DHDH: variants seen among roughly 807,000 people sequenced by gnomAD.
DHDH encodes dihydrodiol dehydrogenase.
Under a neutral mutation model 33.2 loss-of-function variants are expected in DHDH, and 29 were observed. The ratio of observed to expected loss-of-function variants is 0.87; its 90% CI spans 0.65 to 1.19. The LOEUF (loss-of-function observed/expected upper bound fraction) is 1.19. DHDH is among the 50% of genes most tolerant of loss of function. DHDH has a pLI of 0.00. For synonymous variants in DHDH, 201 were observed against 187.9 expected (o/e 1.07, Z -0.57); for missense variants, 431 against 455.0 (o/e 0.95, Z 0.48).
intron 3 of DHDH, 94 bp downstream of exon 3, chr19:48,936,289 G>T: frequency 7.1e-7 from 1 of 1,412,398 alleles, no homozygotes; most frequent in Non-Finnish European, 9.3e-7. Flanking sequence ...GCATTTGCCA[G>T]GATGTATCTG....
rs1351132507 is a variant in DHDH, at chr19:48,936,084, G to A, written c.255G>A (p.Leu85=). ...CCCAGCACAAGGCGGCGGTGATGCT[G>A]TGCTTGGCGGCGGGCAAGGCCGTTC... is the stretch of plus-strand genomic sequence containing the variant. ...QHPQHKAAVM[L]CLAAGKAVLC... is the part of the protein sequence containing the mutation. Residue 85 remains leucine (L), a synonymous_variant, in exon 3 of 7, where the codon CTG becomes CTA. Transcript: ENST00000221403. 1 of 1,611,158 alleles carries A rather than the reference G, an allele frequency of 6.2e-7. No homozygotes were observed.
chr19:48,941,538 C>T (rs1183902320), intron 4 of DHDH, among the ~76,000 whole-genome samples: 5 of 152,160 alleles, frequency 3.3e-5, no homozygotes, highest in Non-Finnish European at 7.4e-5. Flanking sequence ...TGGGCCACCA[C>T]GCCTGGCTAT....
At chr19:48,933,525 A>G (rs1049850979), upstream of DHDH, among the ~76,000 whole-genome samples, 1 of 152,202 alleles carries the variant, frequency 6.6e-6, no homozygotes, top group African/African-American at 2.4e-5. Context: ...TTCCCTCTGT[A>G]AGGCGGAGCT....
At chr19:48,941,431 GA>G (rs1198167660) in intron 4 of DHDH, among the ~76,000 whole-genome samples, 1 of 152,114 alleles carries the variant, frequency 6.6e-6, no homozygotes, top group Non-Finnish European at 1.5e-5. Context: ...ACCCAGGGTA[GA>G]ATATAGTGGT....
chr19:48,936,886 C>T (rs1029230979), intron 3 of DHDH, among the ~76,000 whole-genome samples: 11 of 151,322 alleles, frequency 7.3e-5, no homozygotes, highest in Non-Finnish European at 1.2e-4. Flanking sequence ...CAGGTTAAAG[C>T]GATTCTCCTG....
chr19:48,942,561 A>G lies in DHDH; in HGVS notation c.741A>G (p.Val247=), dbSNP rs934988834. The change falls in exon 5 of 7, where the codon GTA becomes GTG. Residue 247 remains valine, a synonymous_variant. Coordinates refer to ENST00000221403, the MANE Select transcript of DHDH (RefSeq NM_014475.4). ...TASVSGTKGM[V]QLLNPCWCPT... is the part of the protein sequence containing the mutation. ...CCGTGAGCGGCACCAAGGGCATGGTACAGGTGAGGCATGGCGGGCCCAAGC... is the reference window on the plus strand; with the variant it reads ...CCGTGAGCGGCACCAAGGGCATGGTGCAGGTGAGGCATGGCGGGCCCAAGC... 2 of 1,612,530 alleles carry G rather than the reference A, an allele frequency of 1.2e-6. No homozygotes were observed. The highest frequency in any genetic ancestry group is 2.7e-5 in the African/African-American group (2 of 74,920).
intron 3 of DHDH, among the ~76,000 whole-genome samples, chr19:48,939,150 CA>C (rs1392672974): frequency 6.6e-6 from 1 of 151,586 alleles, no homozygotes; most frequent in African/African-American, 2.4e-5. Context: ...TGAAAAAGAA[CA>C]AAAGTCAATA....
At chr19:48,933,687 G>A, upstream of DHDH, 1 of 1,609,590 alleles carries the variant, frequency 6.2e-7, no homozygotes, top group Non-Finnish European at 8.5e-7. Context: ...CGCGCCTGGA[G>A]GGACCGAAGG....
chr19:48,937,656 C>CA (rs1202341825), intron 3 of DHDH, among the ~76,000 whole-genome samples: 1 of 151,572 alleles, frequency 6.6e-6, no homozygotes, highest in Non-Finnish European at 1.5e-5. Flanking sequence ...ACTAAAAATA[C>CA]AAAAAATTAG....
At chr19:48,935,534 T>C (rs1034744211) in intron 2 of DHDH, among the ~76,000 whole-genome samples, 1 of 138,038 alleles carries the variant, frequency 7.2e-6, no homozygotes, top group African/African-American at 2.8e-5. Context: ...AATAAATAAA[T>C]AGGCCGGGCG....
At chr19:48,944,723 C>T in intron 6 of DHDH, 101 bp from the exon 7 acceptor site, 2 of 1,253,698 alleles carry the variant, frequency 1.6e-6, no homozygotes, top group Non-Finnish European at 2.3e-6. Context: ...ATCCATCTGC[C>T]TGAACCATGT....
chr19:48,944,351 C>G lies in DHDH; in HGVS notation c.745-6C>G. On this transcript the variant is annotated splice_region_variant and splice_polypyrimidine_tract_variant and intron_variant, in intron 5 of 6. Transcript: ENST00000221403. ...GGCAGCAGTGCCACTTCTTCTCTCCCTCCAGCTCCTCAACCCCTGCTGGTG... is the reference window on the plus strand; with the variant it reads ...GGCAGCAGTGCCACTTCTTCTCTCCGTCCAGCTCCTCAACCCCTGCTGGTG... 2 of 1,613,784 alleles carry G rather than the reference C, an allele frequency of 1.2e-6. No individual in the cohort carries two copies. Among genetic ancestry groups the G allele is most frequent in the Non-Finnish European group, 1.7e-6 (2 of 1,179,986 alleles).
At chr19:48,944,280 C>T in intron 5 of DHDH, 77 bp from the exon 6 acceptor site, 8 of 1,598,804 alleles carry the variant, frequency 5.0e-6, no homozygotes, top group Non-Finnish European at 6.0e-6. Context: ...CCCTGTGCAC[C>T]ACCTGGCATG....
chr19:48,943,457 C>G (rs984945570), intron 5 of DHDH, among the ~76,000 whole-genome samples: 2 of 151,464 alleles, frequency 1.3e-5, no homozygotes, highest in African/African-American at 4.9e-5. Context: ...ATTGGGAGGC[C>G]AAGGCAGGCA....
intron 3 of DHDH, 132 bp from the exon 4 acceptor site, chr19:48,939,317 G>A: frequency 1.9e-6 from 2 of 1,054,882 alleles, no homozygotes; most frequent in East Asian, 2.4e-5. Context: ...AGAGGGTCAG[G>A]AGCAAGAGGG....
In DHDH at chr19:48,942,539, T is replaced by C. The variant is rs752687310; in HGVS notation, c.719T>C (p.Val240Ala). Residue 240 changes from valine (V) to alanine (A), a missense_variant, in exon 5 of 7, where the codon GTG (valine) becomes GCG (alanine). By Grantham distance (64) the Val-to-Ala change is moderately conservative. Coordinates refer to ENST00000221403, the MANE Select transcript of DHDH (RefSeq NM_014475.4). ...GTGCAGCTCTCCAACACGGCCTCCG[T>C]GAGCGGCACCAAGGGCATGGTACAG... is the stretch of plus-strand genomic sequence containing the variant. ...ITVQLSNTAS[V>A]SGTKGMVQLL... 1 of 1,613,752 alleles carries C rather than the reference T, an allele frequency of 6.2e-7. No individual in the cohort carries two copies. The highest frequency in any genetic ancestry group is 1.1e-5 in the South Asian group (1 of 91,060).
intron 5 of DHDH, 150 bp downstream of exon 5, chr19:48,942,714 G>A: frequency 1.5e-6 from 2 of 1,345,412 alleles, no homozygotes; most frequent in South Asian, 1.6e-5. Context: ...GTGGGTTCTG[G>A]GCCTCTAGGC....
At chr19:48,943,444 G>A (rs1415219998) in intron 5 of DHDH, among the ~76,000 whole-genome samples, 1 of 150,384 alleles carries the variant, frequency 6.6e-6, no homozygotes, top group African/African-American at 2.5e-5. Flanking sequence ...TAATCCCAGC[G>A]TGATTGGGAG....
At position 48,941,391 on chromosome 19, in the gene DHDH, G is replaced by GT. The variant is rs549499098; in HGVS notation, c.620-1040dup. On this transcript the variant is annotated intron_variant, in intron 4 of 6. Coordinates refer to ENST00000221403, the MANE Select transcript of DHDH (RefSeq NM_014475.4). Reference sequence around the variant, plus strand: ...GATGGGCAAATAGACTGTAATTTTTGTTTTTTTTTAGATAGTATCTCACTT... The same window carrying GT: ...GATGGGCAAATAGACTGTAATTTTTGTTTTTTTTTTAGATAGTATCTCACTT... Among the ~76,000 whole-genome samples the GT allele has an allele frequency of 1.9e-3, 288 of 151,042 alleles. 2 individuals carry two copies. The highest frequency in any genetic ancestry group is 6.4e-3 in the African/African-American group (262 of 41,152).
Sources: gnomAD v4.1 joint callset for allele counts (sites outside exome capture counted in the v4.1 genomes callset) on GRCh38, gnomAD v4.1.1 for gene constraint, MANE v1.5 for transcripts, NCBI Gene and HGNC (gene_info 2026-07-23, HGNC 2026-07-21) for gene names.